RIN2: variants seen among roughly 807,000 people sequenced by gnomAD.
The protein encoded by RIN2 is RAB5 interacting protein 2.
A neutral mutation model predicts 78.0 loss-of-function variants in RIN2; 36 were observed. The ratio of observed to expected loss-of-function variants is 0.46; its 90% confidence interval spans 0.35 to 0.61. RIN2 has a LOEUF of 0.61. Among genes scored for constraint, RIN2 ranks in the 20% least tolerant of loss-of-function variants. The probability of loss-of-function intolerance (pLI) is 0.00; values close to 1 mark genes in which losing one functional copy is unlikely to be tolerated. For missense variants in RIN2, 1,087 were observed against 1,159.7 expected, an observed-to-expected ratio of 0.94 and a Z score of 0.91; for synonymous variants, 466 against 466.8, an observed-to-expected ratio of 1.00 and a Z score of 0.02.
intron 2 of RIN2, among the ~76,000 whole-genome samples, chr20:19,879,533 T>C (rs555570236): frequency 1.3e-5 from 2 of 152,314 alleles, no homozygotes; most frequent in South Asian, 4.1e-4. Flanking sequence ...GGCTATCTGT[T>C]CTCCGGCCCA....
intron 3 of RIN2, among the ~76,000 whole-genome samples, chr20:19,918,024 C>A (rs76077498): frequency 2.6e-5 from 4 of 152,132 alleles, no homozygotes; most frequent in African/African-American, 9.7e-5. Flanking sequence ...CTAGAAAGAG[C>A]AAGTCATCTT....
At chr20:19,952,618 G>C (rs895774601) in intron 4 of RIN2, among the ~76,000 whole-genome samples, 1 of 152,142 alleles carries the variant, frequency 6.6e-6, no homozygotes, top group South Asian at 2.1e-4. Context: ...CAGAACAAAG[G>C]CTTTTCAGCT....
At chr20:19,812,028 C>T (rs1729322891) in intron 2 of RIN2, among the ~76,000 whole-genome samples, 1 of 151,732 alleles carries the variant, frequency 6.6e-6, no homozygotes, top group South Asian at 2.1e-4. Flanking sequence ...TTATTAAAGT[C>T]ATCCACGTTG....
intron 2 of RIN2, among the ~76,000 whole-genome samples, chr20:19,864,841 T>G (rs6046381): frequency 0.014 from 2,058 of 152,304 alleles, 49 homozygotes; most frequent in African/African-American, 0.047. Flanking sequence ...CCAGACAAAT[T>G]TTATTTGTAA....
Position 19,874,667 on chromosome 20 carries a change from C to G in RIN2, c.-36-14899C>G, listed in dbSNP as rs116734705. Among the ~76,000 whole-genome samples the G allele has an allele frequency of 3.2e-3, 485 of 152,248 alleles. 1 individual carries two copies. Among genetic ancestry groups the G allele is most frequent in the African/African-American group, 0.011 (449 of 41,538 alleles). On this transcript the variant is annotated intron_variant, in intron 2 of 12. Transcript: ENST00000255006. The stretch of plus-strand genomic sequence containing the variant: ...GGAAACAATTTGCACAGCAATGCTT[C>G]TCTCAGAGTTGGCTTCCAGGGGAAT...
At chr20:19,929,216 A>G (rs1287050711) in intron 3 of RIN2, among the ~76,000 whole-genome samples, 1 of 152,224 alleles carries the variant, frequency 6.6e-6, no homozygotes, top group African/African-American at 2.4e-5. Flanking sequence ...ATGTTTAGAC[A>G]GCCCCTCCCC....
At chr20:19,977,342 T>C (rs537111626) in intron 9 of RIN2, among the ~76,000 whole-genome samples, 20 of 152,308 alleles carry the variant, frequency 1.3e-4, no homozygotes, top group African/African-American at 4.8e-4. Context: ...CCAGCTCCTT[T>C]TGTAGTTAAA....
intron 1 of RIN2, among the ~76,000 whole-genome samples, chr20:19,794,532 CAAAAAAAAAAA>C (rs10530809): frequency 2.3e-5 from 2 of 88,596 alleles, no homozygotes; most frequent in African/African-American, 4.3e-5. Context: ...ACCCTGTATC[CAAAAAAAAAAA>C]AAAAAAAAAA....
At position 20,000,932 on chromosome 20, in the gene RIN2, C is replaced by T; in HGVS notation, c.2684C>T (p.Ser895Phe). 1 of 1,607,584 alleles carries T rather than the reference C, an allele frequency of 6.2e-7. No individual in the cohort carries two copies. Among genetic ancestry groups the T allele is most frequent in the Non-Finnish European group, 8.5e-7 (1 of 1,176,704 alleles). ...AACGGGGAAGAAGACCTCACCACCT[C>T]CTAGAAGACAGGCGGGACTTCCCAG... ...FQNGEEDLTT[S>F] The change falls in exon 13 of 13, where the codon TCC (serine) becomes TTC (phenylalanine). Residue 895 changes from serine to phenylalanine, a missense_variant. By Grantham distance (155) the Ser-to-Phe change is radical. Transcript: ENST00000255006.
intron 2 of RIN2, chr20:19,886,614 T>C: frequency 6.3e-6 from 1 of 157,952 alleles, no homozygotes. Context: ...TTCTTCTTCT[T>C]TTTTTTTTTT....
chr20:19,852,882 C>T (rs1282900290), intron 2 of RIN2, among the ~76,000 whole-genome samples: 1 of 148,646 alleles, frequency 6.7e-6, no homozygotes, highest in Non-Finnish European at 1.5e-5. Flanking sequence ...ATTTGCCATC[C>T]TTTTTTTTTT....
chr20:19,854,056 A>G (rs922669087), intron 2 of RIN2, among the ~76,000 whole-genome samples: 4 of 152,294 alleles, frequency 2.6e-5, no homozygotes, highest in Admixed American at 6.5e-5. Flanking sequence ...TAATTTTTGT[A>G]TAAGGTGTAA....
chr20:19,861,487 G>A (rs371290708), intron 2 of RIN2, among the ~76,000 whole-genome samples: 47 of 152,044 alleles, frequency 3.1e-4, no homozygotes, highest in African/African-American at 1.1e-3. Flanking sequence ...GAGCAAGAAC[G>A]CCCTGCCCTC....
intron 3 of RIN2, among the ~76,000 whole-genome samples, chr20:19,912,074 T>G (rs1394852936): frequency 6.6e-6 from 1 of 152,144 alleles, no homozygotes; most frequent in Non-Finnish European, 1.5e-5. Flanking sequence ...GAGTAGCCAT[T>G]TGATGTGTTT....
intron 2 of RIN2, among the ~76,000 whole-genome samples, chr20:19,850,388 G>A (rs569064646): frequency 3.3e-5 from 5 of 152,194 alleles, no homozygotes; most frequent in Non-Finnish European, 5.9e-5. Flanking sequence ...TCTGTCAGGA[G>A]AAATGTTACG....
Position 19,890,450 on chromosome 20 carries a change from TAGAAAAATGGA to T in RIN2, c.57+793_57+803del, listed in dbSNP as rs1306180566. Among the ~76,000 whole-genome samples the T allele has an allele frequency of 4.6e-5, 7 of 152,032 alleles. No individual in the cohort carries two copies. The East Asian group carries it at 1.4e-3, about 29-fold the overall frequency. On this transcript the variant is annotated intron_variant, in intron 3 of 12. Coordinates refer to ENST00000255006, the MANE Select transcript of RIN2 (RefSeq NM_018993.4). ...AAATACAGAATTATGTTTAAAAAGG[TAGAAAAATGGA>T]GGTAAAATATGCACTTGAAATCTGT...
At chr20:19,794,713 C>A (rs1486335673) in intron 1 of RIN2, among the ~76,000 whole-genome samples, 1 of 151,952 alleles carries the variant, frequency 6.6e-6, no homozygotes, top group African/African-American at 2.4e-5. Flanking sequence ...TTTTCTTCAA[C>A]CTGTTATTAC....
At chr20:19,841,193 C>T (rs1011766765) in intron 2 of RIN2, among the ~76,000 whole-genome samples, 2 of 151,994 alleles carry the variant, frequency 1.3e-5, no homozygotes, top group African/African-American at 4.8e-5. Flanking sequence ...AGTGTTCCTT[C>T]CACCCCAGCC....
At chr20:19,869,995 G>A (rs1288592656) in intron 2 of RIN2, among the ~76,000 whole-genome samples, 1 of 151,948 alleles carries the variant, frequency 6.6e-6, no homozygotes, top group Non-Finnish European at 1.5e-5. Context: ...GGCAAGAATA[G>A]TTCTGAGGAC....
Sources: gnomAD v4.1 joint callset for allele counts (sites outside exome capture counted in the v4.1 genomes callset) on GRCh38, gnomAD v4.1.1 for gene constraint, MANE v1.5 for transcripts, NCBI Gene and HGNC (gene_info 2026-07-23, HGNC 2026-07-21) for gene names.